The following EPB41 variants were observed in gnomAD, a reference collection of about 807,000 sequenced individuals.
EPB41 encodes the protein protein 4.1.
In EPB41, 65 loss-of-function variants were observed where a neutral mutation model predicts 108.0. That is an observed-to-expected ratio of 0.60 (90% confidence interval 0.49 to 0.74). EPB41 has a LOEUF of 0.74. Among genes scored for constraint, EPB41 ranks in the 30% least tolerant of loss-of-function variants. The pLI is 0.00. For missense variants in EPB41, 875 were observed against 1,037.0 expected (o/e 0.84, Z 2.15); for synonymous variants, 336 against 358.9 (o/e 0.94, Z 0.72).
chr1:28,925,152 G>A (rs770341144), intron 1 of EPB41, among the ~76,000 whole-genome samples: 1 of 151,924 alleles, frequency 6.6e-6, no homozygotes, highest in South Asian at 2.1e-4. Context: ...TTTAGTAGAG[G>A]CAGGGTTTCA....
chr1:29,077,937 G>T (rs1654767238), intron 16 of EPB41, among the ~76,000 whole-genome samples: 1 of 152,002 alleles, frequency 6.6e-6, no homozygotes, highest in Non-Finnish European at 1.5e-5. Flanking sequence ...GAAAAATAAG[G>T]AGAGGGTGGC....
intron 7 of EPB41, among the ~76,000 whole-genome samples, chr1:29,021,682 A>G (rs1388323456): frequency 1.3e-5 from 2 of 150,922 alleles, no homozygotes; most frequent in Non-Finnish European, 2.9e-5. Flanking sequence ...TCCCGGGTTC[A>G]CATCATTCTC....
intron 17 of EPB41, among the ~76,000 whole-genome samples, chr1:29,107,883 G>C (rs1234732174): frequency 6.9e-6 from 1 of 144,034 alleles, no homozygotes; most frequent in African/African-American, 2.6e-5. Context: ...ACAAAAATTA[G>C]CCGGGCGTGG....
chr1:29,091,981 A>G lies in EPB41; in HGVS notation c.2185-5826A>G, dbSNP rs141486286. On this transcript the variant is annotated intron_variant, in intron 16 of 20. Coordinates refer to ENST00000343067, the MANE Select transcript of EPB41 (RefSeq NM_001376013.1). ...CACAATGGAGGCTGGTTTACAAGTT[A>G]AGGAGCAGCAGTGATTTTCCTAATA... Among the ~76,000 whole-genome samples, 681 of 152,190 alleles carry G rather than the reference A, an allele frequency of 4.5e-3. 23 individuals are homozygous for G. The highest frequency in any genetic ancestry group is 0.041 in the Admixed American group (629 of 15,256).
intron 16 of EPB41, among the ~76,000 whole-genome samples, chr1:29,080,265 C>T (rs887010564): frequency 1.3e-5 from 2 of 151,728 alleles, no homozygotes; most frequent in Non-Finnish European, 2.9e-5. Flanking sequence ...ATTACAGACG[C>T]GAACCACCGC....
At chr1:28,916,011 G>A (rs2092633163) in intron 1 of EPB41, among the ~76,000 whole-genome samples, 1 of 152,030 alleles carries the variant, frequency 6.6e-6, no homozygotes, top group South Asian at 2.1e-4. Context: ...TTTTGTTAAT[G>A]TAGCACTAAC....
At position 29,015,091 on chromosome 1, in the gene EPB41, A is replaced by G. The variant is rs188768490; in HGVS notation, c.830-601A>G. On this transcript the variant is annotated intron_variant, in intron 5 of 20. Transcript: ENST00000343067. The stretch of plus-strand genomic sequence containing the variant: ...ATGGCAGGCATGAGCCACTGTGCCC[A>G]GCCTTGTTTATGTAGTTCTAATCCT... Among the ~76,000 whole-genome samples, 4 of 152,300 alleles carry G rather than the reference A, an allele frequency of 2.6e-5. No homozygotes were observed. The East Asian group carries it at 7.7e-4, about 29-fold the overall frequency.
rs368390063 is a variant in EPB41 at position 29,115,186 on chromosome 1, AG to A, written c.2497-512del. Among the ~76,000 whole-genome samples the A allele has an allele frequency of 2.6e-5, 4 of 152,314 alleles. No homozygotes were observed. The highest frequency in any genetic ancestry group is 9.6e-5 in the African/African-American group (4 of 41,568). ...GCCAGGTGGATCATTTGAGGTCAGGAGTTCGAGACCAGTCTGGCCAACATGG... is the reference window on the plus strand; with the variant it reads ...GCCAGGTGGATCATTTGAGGTCAGGATTCGAGACCAGTCTGGCCAACATGG... On this transcript the variant is annotated intron_variant, in intron 19 of 20. Coordinates refer to ENST00000343067, the MANE Select transcript of EPB41 (RefSeq NM_001376013.1). This position sits in a 1 kb window ranked among gnomAD's most constrained non-coding sequence, Gnocchi z 4.4.
intron 1 of EPB41, among the ~76,000 whole-genome samples, chr1:28,903,327 T>TTC (rs1242731174): frequency 3.1e-5 from 4 of 127,622 alleles, no homozygotes; most frequent in African/African-American, 1.4e-4. Flanking sequence ...CTTTTCTTTC[T>TTC]TTTTTTTTTT....
chr1:28,986,469 A>T (rs1196451836), intron 1 of EPB41, among the ~76,000 whole-genome samples: 1 of 152,218 alleles, frequency 6.6e-6, no homozygotes. Context: ...ATGTAAGGTC[A>T]GCTGCCTGCT....
At chr1:28,916,531 G>A (rs2148118057) in intron 1 of EPB41, among the ~76,000 whole-genome samples, 1 of 152,280 alleles carries the variant, frequency 6.6e-6, no homozygotes, top group South Asian at 2.1e-4. Context: ...CACCTACTCA[G>A]TAGGTGGAGG....
chr1:29,014,297 A>C (rs1378533235), intron 5 of EPB41, among the ~76,000 whole-genome samples: 2 of 152,154 alleles, frequency 1.3e-5, no homozygotes, highest in African/African-American at 4.8e-5. Context: ...AACCTGGGGG[A>C]CAAGAGCAAG....
At chr1:28,979,676 A>G (rs766590152) in intron 1 of EPB41, among the ~76,000 whole-genome samples, 6 of 150,816 alleles carry the variant, frequency 4.0e-5, no homozygotes, top group Non-Finnish European at 7.4e-5. Flanking sequence ...CACATGCTTC[A>G]CTTTGGCTAA....
At chr1:28,936,301 A>T (rs1476278319) in intron 1 of EPB41, among the ~76,000 whole-genome samples, 2 of 152,184 alleles carry the variant, frequency 1.3e-5, no homozygotes, top group Non-Finnish European at 2.9e-5. Context: ...GAGTGACTTG[A>T]CTAAGTGATG....
intron 16 of EPB41, chr1:29,068,841 T>C: frequency 8.5e-7 from 1 of 1,180,552 alleles, no homozygotes. Context: ...GTCATGGCAC[T>C]AAGCAGATAA....
chr1:29,060,603 CTT>C (rs1646344151), intron 15 of EPB41, 119 bp downstream of exon 15: 6 of 841,706 alleles, frequency 7.1e-6, no homozygotes, highest in Non-Finnish European at 1.2e-5. Context: ...CATGAAGGGA[CTT>C]TAGGTTTAAA....
intron 2 of EPB41, among the ~76,000 whole-genome samples, chr1:28,988,412 T>A (rs575378135): frequency 6.6e-6 from 1 of 152,142 alleles, no homozygotes; most frequent in South Asian, 2.1e-4. Flanking sequence ...CAGGCTGGAG[T>A]GCAGTGGTGT....
intron 11 of EPB41, among the ~76,000 whole-genome samples, chr1:29,040,619 A>T (rs1641134047): frequency 6.6e-6 from 1 of 152,146 alleles, no homozygotes; most frequent in Admixed American, 6.5e-5. Flanking sequence ...CCACGTGGCA[A>T]TTATGGATAG....
At chr1:28,923,670 G>A (rs2093275549) in intron 1 of EPB41, among the ~76,000 whole-genome samples, 1 of 151,960 alleles carries the variant, frequency 6.6e-6, no homozygotes, top group Admixed American at 6.6e-5. Flanking sequence ...AATGGACACT[G>A]GTTAACAAGA....
Sources: allele counts gnomAD v4.1 joint callset (sites outside exome capture counted in the v4.1 genomes callset), GRCh38; gene constraint gnomAD v4.1.1; non-coding constraint Gnocchi (gnomAD v3.1); transcripts MANE v1.5; gene names NCBI Gene and HGNC (gene_info 2026-07-23, HGNC 2026-07-21).